ZNF541: variants seen among roughly 807,000 people sequenced by gnomAD.
ZNF541 encodes the protein zinc finger protein 541.
Under a neutral mutation model 123.5 loss-of-function variants are expected in ZNF541, and 23 were observed. That is an observed-to-expected ratio of 0.19 (90% CI 0.13 to 0.26). The LOEUF is 0.26. Among genes scored for constraint, ZNF541 ranks in the 10% least tolerant of loss-of-function variants. The pLI is 1.00. For missense variants in ZNF541, 1,612 were observed against 1,789.9 expected, an observed-to-expected ratio of 0.90 and a Z score of 1.79; for synonymous variants, 751 against 754.5, an observed-to-expected ratio of 1.00 and a Z score of 0.08.
chr19:47,540,223 A>T lies in ZNF541; in HGVS notation c.2575T>A (p.Phe859Ile), dbSNP rs987166407. 7.1e-6 allele frequency: 11 copies of T among 1,551,550 alleles called. No individual in the cohort carries two copies. Among genetic ancestry groups the T allele is most frequent in the Non-Finnish European group, 9.6e-6 (11 of 1,147,014 alleles). ...GGTGACGGCCACTGGTCGCTGTGAA[A>T]ACACATGTGGCTGCTCAGCCCTTTC... ...TEKGLSSHMCFHSDQWPSPRG... is the reference protein window; with the variant it reads ...TEKGLSSHMCIHSDQWPSPRG... Residue 859 changes from phenylalanine to isoleucine, a missense_variant, in exon 7 of 17, where the codon TTT (phenylalanine) becomes ATT (isoleucine). Physicochemically the swap from Phe to Ile is conservative, Grantham distance 21. This residue lies in a region of ZNF541 where 1,080 missense variants were observed against 1,013.8 expected (regional missense o/e 1.07). Coordinates refer to ENST00000391901, the MANE Select transcript of ZNF541 (RefSeq NM_001277075.3).
At chr19:47,538,568 A>G in intron 8 of ZNF541, 129 bp from the exon 9 acceptor site, 1 of 1,030,984 alleles carries the variant, frequency 9.7e-7, no homozygotes, top group Admixed American at 3.0e-5. Flanking sequence ...ACGCCCGGCA[A>G]AGGAGGCTGG....
chr19:47,531,828 G>C (rs1346883171), intron 11 of ZNF541, 83 bp from the exon 12 acceptor site: 4 of 1,245,192 alleles, frequency 3.2e-6, no homozygotes, highest in Non-Finnish European at 4.5e-6. Context: ...AAAGACAGCA[G>C]AGAGGGGGTG....
rs10410078 is a variant in ZNF541 at position 47,563,840 on chromosome 19, A to T, written c.-98-7886T>A. Among the ~76,000 whole-genome samples the T allele has an allele frequency of 7.9e-3, 1,196 of 152,144 alleles. 12 individuals are homozygous for T. Among genetic ancestry groups the T allele is most frequent in the African/African-American group, 0.027 (1,125 of 41,508 alleles). On this transcript the variant is annotated intron_variant, in intron 2 of 16. Coordinates refer to ENST00000391901, the MANE Select transcript of ZNF541 (RefSeq NM_001277075.3). ...AGGCTGGTCTCAAACTCCTGACCTC[A>T]GGTGATCCACCCGCCTCGGCCTCCC...
chr19:47,560,952 G>A (rs1477516557), intron 2 of ZNF541, among the ~76,000 whole-genome samples: 1 of 152,140 alleles, frequency 6.6e-6, no homozygotes, highest in Non-Finnish European at 1.5e-5. Flanking sequence ...GCTAAGTGAA[G>A]GAAGCCAGTA....
chr19:47,543,566 CAA>C (rs1391626537), intron 5 of ZNF541, among the ~76,000 whole-genome samples: 1 of 143,450 alleles, frequency 7.0e-6, no homozygotes, highest in Non-Finnish European at 1.5e-5. Flanking sequence ...CAAAGGGAAA[CAA>C]GAGAAAAAAA....
chr19:47,549,784 C>T (rs1568507862), intron 3 of ZNF541, among the ~76,000 whole-genome samples: 3 of 152,054 alleles, frequency 2.0e-5, no homozygotes, highest in South Asian at 4.1e-4. Context: ...ACTCTTGGAA[C>T]GGCAATTAGA....
intron 2 of ZNF541, among the ~76,000 whole-genome samples, chr19:47,563,714 C>A (rs1183680335): frequency 6.6e-6 from 1 of 152,172 alleles, no homozygotes; most frequent in Non-Finnish European, 1.5e-5. Flanking sequence ...TCAAGCAATT[C>A]TCTTGTCTCA....
chr19:47,570,576 TAAAAAAA>T (rs35955168), intron 2 of ZNF541, among the ~76,000 whole-genome samples: 1 of 58,832 alleles, frequency 1.7e-5, no homozygotes, highest in African/African-American at 6.8e-5. Flanking sequence ...GACTCTGTCC[TAAAAAAA>T]AAAAAAAAAA....
chr19:47,534,855 C>G (rs986935686), intron 9 of ZNF541, among the ~76,000 whole-genome samples: 1 of 152,086 alleles, frequency 6.6e-6, no homozygotes, highest in Non-Finnish European at 1.5e-5. Flanking sequence ...AAAAATGCTG[C>G]TGGAAGAACT....
Position 47,555,534 on chromosome 19 carries a change from C to T in ZNF541, c.307+16G>A. 1.3e-6 allele frequency: 2 copies of T among 1,520,838 alleles called. No individual in the cohort carries two copies. Among genetic ancestry groups the T allele is most frequent in the Non-Finnish European group, 1.8e-6 (2 of 1,129,038 alleles). The allele number at this position is 1,520,838 out of a possible 1,614,324, so 94.2% of individuals were successfully genotyped here. On this transcript the variant is annotated intron_variant, in intron 3 of 16. Transcript: ENST00000391901. ...GAACATCCTGCAGGGCCCTTCTACC[C>T]AGGTGACAGCCTCACCTTGTAAGGA...
intron 4 of ZNF541, among the ~76,000 whole-genome samples, chr19:47,548,744 C>G (rs1970470239): frequency 6.6e-6 from 1 of 152,276 alleles, no homozygotes; most frequent in Middle Eastern, 3.4e-3. Context: ...GCTGGGACAG[C>G]AGCGCCCACT....
intron 14 of ZNF541, among the ~76,000 whole-genome samples, chr19:47,527,450 C>G (rs1969349464): frequency 6.6e-6 from 1 of 152,090 alleles, no homozygotes; most frequent in Admixed American, 6.5e-5. Flanking sequence ...GGCTGGAGTG[C>G]AGTGGTGCAA....
In ZNF541 at chr19:47,551,052, T is replaced by A. The variant is rs879126053; in HGVS notation, c.308-1567A>T. On this transcript the variant is annotated intron_variant, in intron 3 of 16. Transcript: ENST00000391901. The stretch of plus-strand genomic sequence containing the variant: ...GTGGATTAGACTGTCTTTTTTTTTT[T>A]AATTTTTTTTTTTTTTGAGACTGAG... 3.2e-3 allele frequency among the ~76,000 whole-genome samples: 477 copies of A among 147,326 alleles called. 11 individuals carry two copies. Among genetic ancestry groups the A allele is most frequent in the Non-Finnish European group, 1.1e-3 (74 of 67,700 alleles).
chr19:47,572,103 C>G (rs1240103423), intron 1 of ZNF541, among the ~76,000 whole-genome samples, 61 bp from the exon 2 acceptor site: 1 of 152,122 alleles, frequency 6.6e-6, no homozygotes, highest in East Asian at 1.9e-4. Flanking sequence ...GAAACAAGAA[C>G]AGAGATGTGA....
chr19:47,562,580 C>A (rs954128368), intron 2 of ZNF541, among the ~76,000 whole-genome samples: 15 of 151,940 alleles, frequency 9.9e-5, no homozygotes, highest in African/African-American at 1.5e-4. Context: ...ACAAAAAAAA[C>A]CAAACAGATA....
chr19:47,571,262 G>A (rs1971468275), intron 2 of ZNF541, among the ~76,000 whole-genome samples: 1 of 151,978 alleles, frequency 6.6e-6, no homozygotes. Context: ...ACAGGCGCCT[G>A]CCACCACATC....
chr19:47,556,333 T>C (rs921186712), intron 2 of ZNF541, among the ~76,000 whole-genome samples: 1 of 152,036 alleles, frequency 6.6e-6, no homozygotes, highest in African/African-American at 2.4e-5. Flanking sequence ...ATGCTGGAGG[T>C]GTAAGCTCAC....
Position 47,571,729 on chromosome 19 carries a change from C to A in ZNF541, c.-99+167G>T, listed in dbSNP as rs2123456315. On this transcript the variant is annotated intron_variant, in intron 2 of 16. Coordinates refer to ENST00000391901, the MANE Select transcript of ZNF541 (RefSeq NM_001277075.3). Reference sequence around the variant, plus strand: ...GTCTGCACTCCTCCTAACAGGTCAACATGCACAATAAATAGCCCTTTTCCC... The same window carrying A: ...GTCTGCACTCCTCCTAACAGGTCAAAATGCACAATAAATAGCCCTTTTCCC... Among the ~76,000 whole-genome samples, 2 of 152,070 alleles carry A rather than the reference C, an allele frequency of 1.3e-5. 1 individual carries two copies. The highest frequency in any genetic ancestry group is 4.1e-4 in the South Asian group (2 of 4,826).
chr19:47,543,624 G>A (rs1970175900), intron 5 of ZNF541, among the ~76,000 whole-genome samples: 1 of 151,136 alleles, frequency 6.6e-6, no homozygotes, highest in Non-Finnish European at 1.5e-5. Flanking sequence ...GAACAACTCT[G>A]GGATATCCTC....
Sources: gnomAD v4.1 joint callset for allele counts (sites outside exome capture counted in the v4.1 genomes callset) on GRCh38, gnomAD v4.1.1 for gene constraint, gnomAD v4.1.1 regional missense constraint, MANE v1.5 for transcripts, NCBI Gene and HGNC (gene_info 2026-07-23, HGNC 2026-07-21) for gene names.